Variants in SLC10A2 observed in about 807,000 individuals in gnomAD.
SLC10A2 encodes ileal sodium/bile acid cotransporter.
A neutral mutation model predicts 27.1 loss-of-function variants in SLC10A2; 34 were observed. That is an observed-to-expected ratio of 1.26 (90% CI 0.96 to 1.67). The LOEUF is 1.67. SLC10A2 is among the 40% of genes most tolerant of loss of function. SLC10A2 has a pLI of 0.00. For synonymous variants in SLC10A2, 205 were observed against 174.0 expected (o/e 1.18, Z -1.40); for missense variants, 530 against 444.4 (o/e 1.19, Z -1.73).
chr13:103,064,883 G>A (rs1876229501), intron 1 of SLC10A2, among the ~76,000 whole-genome samples: 1 of 152,176 alleles, frequency 6.6e-6, no homozygotes, highest in African/African-American at 2.4e-5. Context: ...GAGACAGCAG[G>A]TTCCTAATTG....
At chr13:103,057,370 C>T (rs545106844) in intron 2 of SLC10A2, among the ~76,000 whole-genome samples, 1 of 152,172 alleles carries the variant, frequency 6.6e-6, no homozygotes, top group African/African-American at 2.4e-5. Flanking sequence ...TCCCCAGAAA[C>T]AGAAAATAAG....
At chr13:103,059,266 G>A (rs1950511420) in intron 1 of SLC10A2, among the ~76,000 whole-genome samples, 1 of 152,122 alleles carries the variant, frequency 6.6e-6, no homozygotes, top group South Asian at 2.1e-4. Context: ...CTTTTGAGAA[G>A]CATCCGTTCA....
In SLC10A2 at chr13:103,046,086, G is replaced by T. The variant is rs199939905; in HGVS notation, c.*47C>A. 1.9e-6 allele frequency: 3 copies of T among 1,605,674 alleles called. No homozygotes were observed. Among genetic ancestry groups the T allele is most frequent in the South Asian group, 2.2e-5 (2 of 90,762 alleles). ...AAAACAAATAATTAAATATAGTTACGGTTTAAGAACGTAATTTGGAACTCG... is the reference window on the plus strand; with the variant it reads ...AAAACAAATAATTAAATATAGTTACTGTTTAAGAACGTAATTTGGAACTCG... On this transcript the variant is annotated 3_prime_UTR_variant, in exon 6 of 6. Transcript: ENST00000245312.
Position 103,052,642 on chromosome 13 carries a change from T to TG in SLC10A2, c.562dup (p.Gln188ProfsTer8), listed in dbSNP as rs1875818772. 2 of 1,610,984 alleles carry TG rather than the reference T, an allele frequency of 1.2e-6. No homozygotes were observed. The highest frequency in any genetic ancestry group is 1.7e-5 in the Admixed American group (1 of 60,006). On this transcript the variant is annotated frameshift_variant, in exon 3 of 6. Coordinates refer to ENST00000245312, the MANE Select transcript of SLC10A2 (RefSeq NM_000452.3). LOFTEE classifies it high-confidence loss of function. ...TACTTTAAGTATGATCTTTGCTTTT[T>TG]GGGGCCATTTGTGATTAACAAACAT...
intron 3 of SLC10A2, 142 bp downstream of exon 3, chr13:103,052,477 AG>A: frequency 9.9e-6 from 7 of 707,956 alleles, no homozygotes; most frequent in Non-Finnish European, 1.0e-5. Context: ...GACATTCTAA[AG>A]GAGAAGACTG....
At position 103,066,134 on chromosome 13, in the gene SLC10A2, G is replaced by A; in HGVS notation, c.116C>T (p.Thr39Ile). ...ILSVVLSTVLTILLALVMFSM... is the reference protein window; with the variant it reads ...ILSVVLSTVLIILLALVMFSM... ...GAACATCACCAAGGCCAACAGGATG[G>A]TCAGCACCGTACTTAGGACCACACT... The change falls in exon 1 of 6, where the codon ACC (threonine) becomes ATC (isoleucine). Residue 39 changes from threonine to isoleucine, a missense_variant. Thr to Ile is a moderately conservative substitution (Grantham distance 89). Coordinates refer to ENST00000245312, the MANE Select transcript of SLC10A2 (RefSeq NM_000452.3). 3 of 1,614,028 alleles carry A rather than the reference G, an allele frequency of 1.9e-6. No individual in the cohort carries two copies. Among genetic ancestry groups the A allele is most frequent in the Non-Finnish European group, 2.5e-6 (3 of 1,179,948 alleles).
At chr13:103,053,481 G>A (rs892455438) in intron 2 of SLC10A2, among the ~76,000 whole-genome samples, 6 of 152,246 alleles carry the variant, frequency 3.9e-5, no homozygotes, top group Non-Finnish European at 2.9e-5. Flanking sequence ...CATGTGGTTT[G>A]TTTCTCCATG....
chr13:103,057,466 TG>T, intron 2 of SLC10A2, among the ~76,000 whole-genome samples: 1 of 152,360 alleles, frequency 6.6e-6, no homozygotes, highest in South Asian at 2.1e-4. Context: ...AATCAACTTT[TG>T]GGTCAAGGTG....
At chr13:103,048,907 T>G (rs548825679) in intron 5 of SLC10A2, among the ~76,000 whole-genome samples, 1 of 152,330 alleles carries the variant, frequency 6.6e-6, no homozygotes, top group Non-Finnish European at 1.5e-5. Flanking sequence ...CTGATAAATA[T>G]CCTATATTTA....
chr13:103,046,581 C>G (rs1284654690), intron 5 of SLC10A2, among the ~76,000 whole-genome samples: 1 of 152,150 alleles, frequency 6.6e-6, no homozygotes, highest in Non-Finnish European at 1.5e-5. Context: ...ACCGCCATAT[C>G]CCAGTTAATG....
intron 5 of SLC10A2, among the ~76,000 whole-genome samples, chr13:103,048,744 A>T (rs1156378820): frequency 6.6e-6 from 1 of 152,252 alleles, no homozygotes; most frequent in Non-Finnish European, 1.5e-5. Flanking sequence ...AATTACTTAA[A>T]CTACACCTAG....
intron 5 of SLC10A2, among the ~76,000 whole-genome samples, 175 bp from the exon 6 acceptor site, chr13:103,046,435 G>A (rs989450909): frequency 6.6e-6 from 1 of 152,166 alleles, no homozygotes; most frequent in Non-Finnish European, 1.5e-5. Context: ...TGGCGAGAGG[G>A]ATGACTGCAC....
intron 2 of SLC10A2, among the ~76,000 whole-genome samples, chr13:103,056,095 T>C (rs1261263289): frequency 6.6e-6 from 1 of 152,236 alleles, no homozygotes; most frequent in African/African-American, 2.4e-5. Flanking sequence ...GCATAAGGGA[T>C]ACGAATTACT....
chr13:103,052,493 G>T, intron 3 of SLC10A2, 127 bp downstream of exon 3: 1 of 745,024 alleles, frequency 1.3e-6, no homozygotes. Flanking sequence ...AGACTGCATG[G>T]CTAATGACTT....
chr13:103,051,362 GCGC>G lies in SLC10A2; in HGVS notation c.653_655del (p.Ser218_Ala219delinsThr), dbSNP rs753293733. ...CCACAGTTTGGGAGCAATGATCCAGGCGCTTTGGTACAATATTCCTCCAACCAC... is the reference window on the plus strand; with the variant it reads ...CCACAGTTTGGGAGCAATGATCCAGGTTTGGTACAATATTCCTCCAACCAC... On this transcript the variant is annotated inframe_deletion, in exon 4 of 6. Coordinates refer to ENST00000245312, the MANE Select transcript of SLC10A2 (RefSeq NM_000452.3). The G allele has an allele frequency of 1.9e-6, 3 of 1,614,036 alleles. No homozygotes were observed. In the Admixed American group the frequency reaches 5.0e-5, roughly 27 times the overall value.
At chr13:103,063,605 C>A (rs1876191308) in intron 1 of SLC10A2, among the ~76,000 whole-genome samples, 2 of 152,150 alleles carry the variant, frequency 1.3e-5, no homozygotes, top group Non-Finnish European at 2.9e-5. Context: ...AGGTTTTACC[C>A]TTTTAATTAA....
At chr13:103,053,048 A>C (rs1875833092) in intron 2 of SLC10A2, among the ~76,000 whole-genome samples, 1 of 150,538 alleles carries the variant, frequency 6.6e-6, no homozygotes, top group African/African-American at 2.4e-5. Flanking sequence ...TAGTCTTTGG[A>C]TCTTTATATC....
At position 103,055,945 on chromosome 13, in the gene SLC10A2, G is replaced by C. The variant is rs565347690; in HGVS notation, c.496+2319C>G. Among the ~76,000 whole-genome samples the C allele has an allele frequency of 3.9e-5, 6 of 152,198 alleles. No individual in the cohort carries two copies. In the South Asian group the frequency reaches 8.3e-4, roughly 21 times the overall value. The stretch of plus-strand genomic sequence containing the variant: ...ATTACTTTTCTAAGTCCTTTCACAA[G>C]CAACGTCCTCTTTTCCTTTGTTGTC... On this transcript the variant is annotated intron_variant, in intron 2 of 5. Coordinates refer to ENST00000245312, the MANE Select transcript of SLC10A2 (RefSeq NM_000452.3).
intron 2 of SLC10A2, among the ~76,000 whole-genome samples, chr13:103,057,503 A>G (rs531428038): frequency 4.6e-5 from 7 of 152,296 alleles, no homozygotes; most frequent in Admixed American, 2.6e-4. Flanking sequence ...TGTTAGAAAC[A>G]GTGTGTTTCG....
Sources: allele counts gnomAD v4.1 joint callset (sites outside exome capture counted in the v4.1 genomes callset), GRCh38; gene constraint gnomAD v4.1.1; transcripts MANE v1.5; gene names NCBI Gene and HGNC (gene_info 2026-07-23, HGNC 2026-07-21).